BRD4: variants seen among roughly 807,000 people sequenced by gnomAD.
The protein encoded by BRD4 is bromodomain-containing protein 4.
Under a neutral mutation model 142.1 loss-of-function variants are expected in BRD4, and 16 were observed. That is an observed-to-expected ratio of 0.11 (90% CI 0.08 to 0.17). The LOEUF is 0.17. Ranked by LOEUF, BRD4 falls within the 10% of genes least tolerant of loss-of-function variation. The pLI is 1.00. For synonymous variants in BRD4, 833 were observed against 707.5 expected (o/e 1.18, Z -2.82); for missense variants, 1,424 against 1,810.9 (o/e 0.79, Z 3.88).
Position 15,237,648 on chromosome 19 carries a change from CAG to C in BRD4, c.*727_*728del, listed in dbSNP as rs1250994168. On this transcript the variant is annotated 3_prime_UTR_variant, in exon 20 of 20. Transcript: ENST00000679869. ...AAAAAAAAGAAAAAAAAAAACGAAA[CAG>C]AAACACAGGTGGGAAGGAACTGACT... 3.9e-5 allele frequency: 9 copies of C among 229,272 alleles called. No individual in the cohort carries two copies. Among genetic ancestry groups the C allele is most frequent in the African/African-American group, 8.9e-5 (4 of 44,744 alleles). The allele number at this position is 229,272 out of a possible 1,614,324, so 14.2% of individuals were successfully genotyped here. A position where few individuals can be genotyped will look rare whatever the true frequency, so the allele number is the denominator to read the frequency against.
rs148541121 is a variant in BRD4 at position 15,305,910 on chromosome 19, C to T, written c.-35+26380G>A. On this transcript the variant is annotated intron_variant, in intron 1 of 19. Coordinates refer to ENST00000679869, the MANE Select transcript of BRD4 (RefSeq NM_001379291.1). ...ACAGTTTTTCCATCAGCACTTGCTG[C>T]TTCACCTTGCACTTTTATGTTTTGG... Among the ~76,000 whole-genome samples the T allele has an allele frequency of 1.8e-4, 27 of 152,356 alleles. No homozygotes were observed. In the East Asian group the frequency reaches 5.0e-3, roughly 28 times the overall value.
intron 6 of BRD4, chr19:15,264,041 C>T (rs909973783): frequency 2.5e-4 from 65 of 257,170 alleles, no homozygotes; most frequent in Non-Finnish European, 6.7e-5. Flanking sequence ...GACAGCAAGG[C>T]CTTCTCCACC....
Position 15,256,281 on chromosome 19 carries a change from A to G in BRD4, c.1552-18T>C. On this transcript the variant is annotated intron_variant, in intron 8 of 19. Transcript: ENST00000679869. ...GCTTTGAGCTGTAGACCAGACAGGC[A>G]AGACACACACTCAGGGCTGAAACCA... is the stretch of plus-strand genomic sequence containing the variant. 1 of 1,605,180 alleles carries G rather than the reference A, an allele frequency of 6.2e-7. No homozygotes were observed. The highest frequency in any genetic ancestry group is 8.5e-7 in the Non-Finnish European group (1 of 1,177,790).
Position 15,256,908 on chromosome 19 carries a change from G to A in BRD4, c.1551+56C>T, listed in dbSNP as rs531465773. On this transcript the variant is annotated intron_variant, in intron 8 of 19. Transcript: ENST00000679869. The stretch of plus-strand genomic sequence containing the variant: ...AACATCTCTTAGAAACTTCTGGGGA[G>A]GCCACCCTGGTCCACGGACTCTGGG... 9.6e-6 allele frequency: 14 copies of A among 1,453,618 alleles called. No individual in the cohort carries two copies. In the East Asian group the frequency reaches 3.5e-4, roughly 36 times the overall value. The allele number at this position is 1,453,618 out of a possible 1,614,324, so 90.0% of individuals were successfully genotyped here. A position where few individuals can be genotyped will look rare whatever the true frequency, so the allele number is the denominator to read the frequency against.
rs199796573 is a variant in BRD4 at position 15,264,530 on chromosome 19, C to T, written c.1086G>A (p.Lys362=). ...CGGCGTGCTTCTTGGCAAACATCTC[C>T]TTGAGGATGCCGCTGCAGCACTTGA... ...EQLKCCSGIL[K]EMFAKKHAAY... The change falls in exon 6 of 20, where the codon AAG becomes AAA. Residue 362 remains lysine (K), a synonymous_variant. Coordinates refer to ENST00000679869, the MANE Select transcript of BRD4 (RefSeq NM_001379291.1). 1.2e-5 allele frequency: 19 copies of T among 1,614,228 alleles called. No homozygotes were observed. In the South Asian group the frequency reaches 1.8e-4, roughly 15 times the overall value.
At chr19:15,254,092 C>T (rs2145565448) in intron 11 of BRD4, 60 bp downstream of exon 11, 1 of 1,424,826 alleles carries the variant, frequency 7.0e-7, no homozygotes, top group South Asian at 1.2e-5. Context: ...CAGGACCGAG[C>T]TAGTGCCAGG....
At position 15,256,114 on chromosome 19, in the gene BRD4, T is replaced by C; in HGVS notation, c.1701A>G (p.Glu567=). 3 of 1,611,738 alleles carry C rather than the reference T, an allele frequency of 1.9e-6. No individual in the cohort carries two copies. Among genetic ancestry groups the C allele is most frequent in the Non-Finnish European group, 2.5e-6 (3 of 1,179,794 alleles). ...VEENKKSKAK[E]PPPKKTKKNN... Reference sequence around the variant, plus strand: ...TTTTCTTCGTCTTTTTAGGAGGAGGTTCCTTGGCTTTGCTTTTTTTATTCT... The same window carrying C: ...TTTTCTTCGTCTTTTTAGGAGGAGGCTCCTTGGCTTTGCTTTTTTTATTCT... The change falls in exon 9 of 20, where the codon GAA becomes GAG. Residue 567 remains glutamate, a synonymous_variant. Coordinates refer to ENST00000679869, the MANE Select transcript of BRD4 (RefSeq NM_001379291.1).
At chr19:15,296,191 T>G (rs567415611) in intron 1 of BRD4, among the ~76,000 whole-genome samples, 1 of 151,538 alleles carries the variant, frequency 6.6e-6, no homozygotes, top group Non-Finnish European at 1.5e-5. Flanking sequence ...GAGAGAGAGG[T>G]TGCAGTGAGC....
chr19:15,308,787 G>A (rs185019007), intron 1 of BRD4, among the ~76,000 whole-genome samples: 331 of 151,768 alleles, frequency 2.2e-3, no homozygotes, highest in Non-Finnish European at 2.8e-3. Context: ...AGGCCGAGGC[G>A]GGAGGATCAC....
intron 1 of BRD4, among the ~76,000 whole-genome samples, chr19:15,306,023 A>G (rs896565415): frequency 1.3e-5 from 2 of 152,198 alleles, no homozygotes; most frequent in South Asian, 2.1e-4. Flanking sequence ...TTCAGCCTCC[A>G]AAGAATTGAA....
intron 1 of BRD4, among the ~76,000 whole-genome samples, chr19:15,278,136 A>AAAAATC: frequency 3.9e-5 from 5 of 129,800 alleles, no homozygotes; most frequent in South Asian, 4.9e-4. Flanking sequence ...AAAAAAAAAA[A>AAAAATC]AAAATCAAAA....
At chr19:15,311,514 G>C (rs2047970337) in intron 1 of BRD4, among the ~76,000 whole-genome samples, 1 of 152,056 alleles carries the variant, frequency 6.6e-6, no homozygotes, top group African/African-American at 2.4e-5. Context: ...GAATCGGCCA[G>C]GTGCAGTGGC....
chr19:15,238,165 G>C lies in BRD4; in HGVS notation c.*212C>G. 1.5e-6 allele frequency: 1 copy of C among 686,898 alleles called. No homozygotes were observed. 42.6% of individuals were successfully genotyped at this position (686,898 alleles called of 1,614,324 possible). A position where few individuals can be genotyped will look rare whatever the true frequency, so the allele number is the denominator to read the frequency against. On this transcript the variant is annotated 3_prime_UTR_variant, in exon 20 of 20. Transcript: ENST00000679869. The surrounding 1 kb of genome is among the most constrained non-coding windows in gnomAD (Gnocchi z 7.2). ...GCTGAGCGGACGTCCTGTGAGGGGT[G>C]GTGGGTGGCGGGACGTCTGTCCGAC...
At chr19:15,255,728 G>A in intron 9 of BRD4, 136 bp from the exon 10 acceptor site, 1 of 1,174,108 alleles carries the variant, frequency 8.5e-7, no homozygotes, top group Non-Finnish European at 1.2e-6. Flanking sequence ...AGGAAACGGG[G>A]CATGGGCAAC....
At position 15,321,016 on chromosome 19, in the gene BRD4, C is replaced by T. The variant is rs554935962; in HGVS notation, c.-35+11274G>A. 2.0e-5 allele frequency among the ~76,000 whole-genome samples: 3 copies of T among 152,304 alleles called. No homozygotes were observed. The East Asian group carries it at 5.8e-4, about 29-fold the overall frequency. ...TGGGAGGCCAAGGCGGATGGATCAC[C>T]TGAGGTCAGGAGTTTGAGACCAGCC... On this transcript the variant is annotated intron_variant, in intron 1 of 19. Coordinates refer to ENST00000679869, the MANE Select transcript of BRD4 (RefSeq NM_001379291.1).
At position 15,238,693 on chromosome 19, in the gene BRD4, C is replaced by A; in HGVS notation, c.4020+50G>T. ...GCTCCAGTCCCCCTTTCCCAGCTCCCTCAGGAGCTAATCCTTAGACCAGGG... is the reference window on the plus strand; with the variant it reads ...GCTCCAGTCCCCCTTTCCCAGCTCCATCAGGAGCTAATCCTTAGACCAGGG... On this transcript the variant is annotated intron_variant, in intron 19 of 19. Transcript: ENST00000679869. The surrounding 1 kb of genome is among the most constrained non-coding windows in gnomAD (Gnocchi z 7.2). 1 of 1,463,894 alleles carries A rather than the reference C, an allele frequency of 6.8e-7. No homozygotes were observed. The highest frequency in any genetic ancestry group is 1.4e-5 in the South Asian group (1 of 69,682). The allele number at this position is 1,463,894 out of a possible 1,614,324, so 90.7% of individuals were successfully genotyped here.
chr19:15,287,373 C>T (rs2047748002), intron 1 of BRD4, among the ~76,000 whole-genome samples: 1 of 152,118 alleles, frequency 6.6e-6, no homozygotes, highest in African/African-American at 2.4e-5. Flanking sequence ...ATTCACGCTA[C>T]TATGCAATCA....
chr19:15,290,284 AAGTT>A (rs1354129151), intron 1 of BRD4, among the ~76,000 whole-genome samples: 1 of 152,174 alleles, frequency 6.6e-6, no homozygotes, highest in African/African-American at 2.4e-5. Context: ...CAATGTTAAA[AAGTT>A]AGTACTAGAC....
chr19:15,272,920 G>T lies in BRD4; in HGVS notation c.180C>A (p.Thr60=), dbSNP rs751125376. Residue 60 remains threonine (T), a synonymous_variant, in exon 2 of 20, where the codon ACC becomes ACA. Transcript: ENST00000679869. ...TSNPNKPKRQ[T]NQLQYLLRVV... ...CTCTGAGCAGGTATTGCAGTTGGTT[G>T]GTCTGCCTCTTGGGCTTGTTAGGGT... is the stretch of plus-strand genomic sequence containing the variant. 3.1e-6 allele frequency: 5 copies of T among 1,614,240 alleles called. No homozygotes were observed. Among genetic ancestry groups the T allele is most frequent in the Non-Finnish European group, 4.2e-6 (5 of 1,180,056 alleles).
Sources: allele counts gnomAD v4.1 joint callset (sites outside exome capture counted in the v4.1 genomes callset), GRCh38; gene constraint gnomAD v4.1.1; non-coding constraint Gnocchi (gnomAD v3.1); transcripts MANE v1.5; gene names NCBI Gene and HGNC (gene_info 2026-07-23, HGNC 2026-07-21).